PLXDC2: variants seen among roughly 807,000 people sequenced by gnomAD.
PLXDC2 encodes plexin domain containing 2.
Under a neutral mutation model 68.9 loss-of-function variants are expected in PLXDC2, and 40 were observed. The observed-to-expected ratio is 0.58, with a 90% CI of 0.45 to 0.76. The LOEUF is 0.76. Ranked by LOEUF, PLXDC2 falls within the 30% of genes least tolerant of loss-of-function variation. PLXDC2 has a pLI of 0.00. For synonymous variants in PLXDC2, 243 were observed against 234.2 expected, an observed-to-expected ratio of 1.04 and a Z score of -0.34; for missense variants, 644 against 661.9, an observed-to-expected ratio of 0.97 and a Z score of 0.30.
chr10:19,843,686 A>G (rs1345188476), intron 1 of PLXDC2, among the ~76,000 whole-genome samples: 1 of 152,160 alleles, frequency 6.6e-6, no homozygotes, highest in Non-Finnish European at 1.5e-5. Context: ...AAGATCCCAC[A>G]TGTTTCTCAT....
chr10:20,237,965 A>G (rs938503369), intron 12 of PLXDC2, among the ~76,000 whole-genome samples: 10 of 152,204 alleles, frequency 6.6e-5, no homozygotes, highest in African/African-American at 2.4e-4. Flanking sequence ...TGTTGGCAAG[A>G]TTTAATAGTA....
chr10:20,096,557 G>C (rs1171135381), intron 4 of PLXDC2, among the ~76,000 whole-genome samples: 1 of 152,034 alleles, frequency 6.6e-6, no homozygotes, highest in African/African-American at 2.4e-5. Context: ...AGGTGGAAGA[G>C]AAGAAAGAGG....
At chr10:20,260,548 G>A (rs1214693825) in intron 13 of PLXDC2, among the ~76,000 whole-genome samples, 1 of 152,170 alleles carries the variant, frequency 6.6e-6, no homozygotes, top group Non-Finnish European at 1.5e-5. Context: ...AGGCTGAATA[G>A]TATTTCATTG....
chr10:19,911,662 T>A (rs546069998), intron 1 of PLXDC2, among the ~76,000 whole-genome samples: 1 of 152,076 alleles, frequency 6.6e-6, no homozygotes, highest in Non-Finnish European at 1.5e-5. Flanking sequence ...TGAAATAACC[T>A]CCCCATTGAA....
At chr10:19,865,008 A>G (rs554003351) in intron 1 of PLXDC2, among the ~76,000 whole-genome samples, 3 of 152,320 alleles carry the variant, frequency 2.0e-5, no homozygotes, top group African/African-American at 7.2e-5. Context: ...AGAGAGGATG[A>G]TGTCTTAGGA....
chr10:20,181,574 G>A (rs1452580348), intron 9 of PLXDC2, among the ~76,000 whole-genome samples: 2 of 152,022 alleles, frequency 1.3e-5, no homozygotes, highest in African/African-American at 4.8e-5. Context: ...CAGCTACAGC[G>A]AAGTGAAAGC....
At chr10:19,854,317 C>A (rs751170131) in intron 1 of PLXDC2, among the ~76,000 whole-genome samples, 6 of 152,180 alleles carry the variant, frequency 3.9e-5, no homozygotes, top group Non-Finnish European at 8.8e-5. Flanking sequence ...TCCACAACAA[C>A]CAGACTAGCC....
At chr10:19,982,576 G>A (rs1321474387) in intron 1 of PLXDC2, among the ~76,000 whole-genome samples, 2 of 152,146 alleles carry the variant, frequency 1.3e-5, no homozygotes, top group Non-Finnish European at 2.9e-5. Flanking sequence ...GGATCGGTAG[G>A]TGATATGATT....
intron 9 of PLXDC2, among the ~76,000 whole-genome samples, chr10:20,210,246 A>G (rs1030756613): frequency 2.0e-4 from 31 of 152,318 alleles, no homozygotes; most frequent in African/African-American, 7.5e-4. Flanking sequence ...GAAATTAACA[A>G]CTAGTAATGA....
rs16920054 is a variant in PLXDC2 at position 20,194,288 on chromosome 10, T to G, written c.1061+16879T>G. On this transcript the variant is annotated intron_variant, in intron 9 of 13. Transcript: ENST00000377252. ...ATTAAGGGTATCATCTTGGTAACCT[T>G]GTAGCAAACTCTATAAGCCTTGATA... 8.6e-3 allele frequency among the ~76,000 whole-genome samples: 1,299 copies of G among 151,514 alleles called. 16 individuals are homozygous for G. The highest frequency in any genetic ancestry group is 0.027 in the African/African-American group (1,099 of 41,414).
At position 20,154,683 on chromosome 10, in the gene PLXDC2, T is replaced by G. The variant is rs553069975; in HGVS notation, c.783+6781T>G. Among the ~76,000 whole-genome samples, 9 of 152,278 alleles carry G rather than the reference T, an allele frequency of 5.9e-5. No individual in the cohort carries two copies. In the East Asian group the frequency reaches 1.5e-3, roughly 26 times the overall value. The stretch of plus-strand genomic sequence containing the variant: ...TGTAGAAGTTGCAGTTTCTTTGACT[T>G]GTCTTATCTCTATTCTCTTGATATA... On this transcript the variant is annotated intron_variant, in intron 6 of 13. Transcript: ENST00000377252.
At chr10:19,914,840 C>T (rs555239942) in intron 1 of PLXDC2, among the ~76,000 whole-genome samples, 1 of 152,126 alleles carries the variant, frequency 6.6e-6, no homozygotes, top group Non-Finnish European at 1.5e-5. Flanking sequence ...GATGGATTGA[C>T]AGTTTTATCA....
At chr10:19,872,699 G>A (rs1206347818) in intron 1 of PLXDC2, among the ~76,000 whole-genome samples, 2 of 152,064 alleles carry the variant, frequency 1.3e-5, no homozygotes, top group African/African-American at 4.8e-5. Context: ...ACTGGGCAGA[G>A]TTAGAGACAG....
intron 1 of PLXDC2, among the ~76,000 whole-genome samples, chr10:19,955,074 ATTTTT>A (rs750051734): frequency 1.0e-5 from 1 of 99,292 alleles, no homozygotes; most frequent in Admixed American, 1.1e-4. Flanking sequence ...CCTTTCACTG[ATTTTT>A]TTTTTTTTTT....
intron 3 of PLXDC2, among the ~76,000 whole-genome samples, chr10:20,065,393 G>C (rs1836187836): frequency 6.6e-6 from 1 of 152,096 alleles, no homozygotes; most frequent in Non-Finnish European, 1.5e-5. Flanking sequence ...TAGATTGAAT[G>C]ATTTCAAGTG....
At chr10:19,818,083 T>A (rs1419167637) in intron 1 of PLXDC2, among the ~76,000 whole-genome samples, 1 of 151,784 alleles carries the variant, frequency 6.6e-6, no homozygotes, top group East Asian at 2.0e-4. Context: ...CAGAAAGAGA[T>A]CTTGGCAGAA....
chr10:19,941,666 A>G (rs1463824696), intron 1 of PLXDC2, among the ~76,000 whole-genome samples: 5 of 152,198 alleles, frequency 3.3e-5, no homozygotes, highest in Admixed American at 6.5e-5. Flanking sequence ...GAAGATCTTT[A>G]CAGAAGGGAG....
At chr10:19,869,552 A>G (rs1433885969) in intron 1 of PLXDC2, among the ~76,000 whole-genome samples, 2 of 151,920 alleles carry the variant, frequency 1.3e-5, no homozygotes, top group African/African-American at 4.8e-5. Context: ...TCATTTGTAC[A>G]ACATATTAAT....
intron 3 of PLXDC2, among the ~76,000 whole-genome samples, chr10:20,049,991 T>C (rs1325231494): frequency 6.6e-6 from 1 of 152,146 alleles, no homozygotes; most frequent in East Asian, 1.9e-4. Flanking sequence ...CAAAACAGCA[T>C]GTTACTGGTA....
Sources: allele counts gnomAD v4.1 joint callset (sites outside exome capture counted in the v4.1 genomes callset), GRCh38; gene constraint gnomAD v4.1.1; transcripts MANE v1.5; gene names NCBI Gene and HGNC (gene_info 2026-07-23, HGNC 2026-07-21).